CNOT1: variants seen among roughly 807,000 people sequenced by gnomAD.
CNOT1 encodes CCR4-NOT transcription complex subunit 1.
In CNOT1, 15 loss-of-function variants were observed where a neutral mutation model predicts 273.8. That is an observed-to-expected ratio of 0.05 (90% confidence interval 0.04 to 0.08). The LOEUF is 0.08. Among genes scored for constraint, CNOT1 ranks in the 10% least tolerant of loss-of-function variants. The pLI is 1.00. For missense variants in CNOT1, 1,644 were observed against 2,912.2 expected, an observed-to-expected ratio of 0.56 and a Z score of 10.02; for synonymous variants, 1,022 against 1,005.5, an observed-to-expected ratio of 1.02 and a Z score of -0.31.
At chr16:58,539,697 T>C (rs1427225194) in intron 35 of CNOT1, 71 bp downstream of exon 35, 1 of 1,390,910 alleles carries the variant, frequency 7.2e-7, no homozygotes, top group Non-Finnish European at 9.7e-7. Flanking sequence ...CATAAATATG[T>C]AGATGGTGGT....
chr16:58,529,947 CAG>C (rs2039726189), intron 43 of CNOT1, among the ~76,000 whole-genome samples: 1 of 144,776 alleles, frequency 6.9e-6, no homozygotes, highest in South Asian at 2.2e-4. Flanking sequence ...AAATGAAAAA[CAG>C]ATAATACCAG....
At chr16:58,572,264 AC>A (rs1376822534) in intron 16 of CNOT1, among the ~76,000 whole-genome samples, 2 of 152,028 alleles carry the variant, frequency 1.3e-5, no homozygotes, top group Non-Finnish European at 2.9e-5. Flanking sequence ...AGCCTGGGCA[AC>A]AAGAGCAAAA....
chr16:58,530,455 T>C, intron 42 of CNOT1, 108 bp from the exon 43 acceptor site: 1 of 683,172 alleles, frequency 1.5e-6, no homozygotes, highest in Non-Finnish European at 2.4e-6. Flanking sequence ...CTAATATAAG[T>C]AGAGAATACT....
intron 22 of CNOT1, among the ~76,000 whole-genome samples, chr16:58,552,232 T>C (rs1287765541): frequency 1.3e-5 from 2 of 151,614 alleles, no homozygotes; most frequent in African/African-American, 4.8e-5. Context: ...AAAGCTGTTA[T>C]TACGAAAAAA....
Position 58,541,513 on chromosome 16 carries a change from G to A in CNOT1, c.4788C>T (p.Ala1596=), listed in dbSNP as rs781624926. The change falls in exon 34 of 49, where the codon GCC becomes GCT. Residue 1596 remains alanine (A), a synonymous_variant. Coordinates refer to ENST00000317147, the MANE Select transcript of CNOT1 (RefSeq NM_016284.5). ...NDLSQPTGFL[A]QPMKQAWATD... ...AAAACACATTTACCTTCATGGGCTGGGCTAAAAATCCCGTGGGCTGACTTA... is the reference window on the plus strand; with the variant it reads ...AAAACACATTTACCTTCATGGGCTGAGCTAAAAATCCCGTGGGCTGACTTA... 11 of 1,613,634 alleles carry A rather than the reference G, an allele frequency of 6.8e-6. No individual in the cohort carries two copies. Among genetic ancestry groups the A allele is most frequent in the East Asian group, 4.5e-5 (2 of 44,872 alleles).
chr16:58,550,301 G>C (rs1298364693), intron 24 of CNOT1, among the ~76,000 whole-genome samples: 2 of 152,130 alleles, frequency 1.3e-5, no homozygotes, highest in Admixed American at 1.3e-4. Flanking sequence ...TCCAAGTACA[G>C]TTAGTTGACC....
In CNOT1 at chr16:58,625,278, C is replaced by T. The variant is rs148015064; in HGVS notation, c.-175+4450G>A. Among the ~76,000 whole-genome samples the T allele has an allele frequency of 2.0e-3, 303 of 151,942 alleles. 1 individual carries two copies. Among genetic ancestry groups the T allele is most frequent in the African/African-American group, 7.2e-3 (300 of 41,440 alleles). ...CTGTAATCACAGCACTTTGGGAGGC[C>T]GAGGCAGGTGGATCACCTGAGGTCA... On this transcript the variant is annotated intron_variant, in intron 1 of 48. Transcript: ENST00000317147.
At chr16:58,607,786 A>G (rs1016717376) in intron 1 of CNOT1, among the ~76,000 whole-genome samples, 4 of 151,654 alleles carry the variant, frequency 2.6e-5, no homozygotes, top group African/African-American at 7.3e-5. Context: ...AAAAAAGGAG[A>G]AGAGATAGAA....
At chr16:58,587,280 C>T (rs2041906235) in intron 5 of CNOT1, 25 bp from the exon 6 acceptor site, 1 of 1,613,746 alleles carries the variant, frequency 6.2e-7, no homozygotes, top group Non-Finnish European at 8.5e-7. Context: ...ATTAGATTAA[C>T]CAAAGAGTCA....
intron 37 of CNOT1, 37 bp downstream of exon 37, chr16:58,538,121 G>A (rs1364376488): frequency 1.2e-6 from 2 of 1,609,864 alleles, no homozygotes; most frequent in African/African-American, 1.3e-5. Context: ...GTACTTCCCT[G>A]AGTCCTTTTG....
Position 58,574,719 on chromosome 16 carries a change from C to T in CNOT1, c.1869G>A (p.Arg623=), listed in dbSNP as rs199539744. 5.6e-6 allele frequency: 9 copies of T among 1,606,392 alleles called. No homozygotes were observed. The African/African-American group carries it at 1.2e-4, about 22-fold the overall frequency. Residue 623 remains arginine, a synonymous_variant, in exon 16 of 49, where the codon CGG becomes CGA. Transcript: ENST00000317147. The part of the protein sequence containing the change: ...IQACMTFLKR[R]CPSILGGLAP... The stretch of plus-strand genomic sequence containing the variant: ...CAAGTCCGCCCAAAATAGAAGGACA[C>T]CGTCTCTTTAAAAAAGTCATACACG...
At chr16:58,551,871 T>A (rs778268864) in intron 22 of CNOT1, 52 bp from the exon 23 acceptor site, 2 of 1,599,696 alleles carry the variant, frequency 1.3e-6, no homozygotes, top group East Asian at 4.5e-5. Flanking sequence ...TAAGTCTGGA[T>A]TATACGTCCC....
intron 47 of CNOT1, among the ~76,000 whole-genome samples, chr16:58,522,252 AAAAAAAAAAAAAAAAG>A (rs1334941547): frequency 1.1e-5 from 1 of 87,594 alleles, no homozygotes; most frequent in Non-Finnish European, 2.6e-5. Context: ...AAAAAAAAAA[AAAAAAAAAAAAAAAAG>A]CTAACATTGC....
intron 44 of CNOT1, among the ~76,000 whole-genome samples, chr16:58,527,730 T>C (rs910131609): frequency 1.4e-4 from 21 of 152,154 alleles, no homozygotes; most frequent in African/African-American, 3.6e-4. Context: ...TACTTAAAAT[T>C]TGGTGTCCCA....
At chr16:58,600,548 G>A (rs762586484) in intron 1 of CNOT1, among the ~76,000 whole-genome samples, 1 of 152,124 alleles carries the variant, frequency 6.6e-6, no homozygotes, top group African/African-American at 2.4e-5. Flanking sequence ...AAGACACTAT[G>A]TATTCACTTT....
At chr16:58,606,852 C>T (rs1024728864) in intron 1 of CNOT1, among the ~76,000 whole-genome samples, 1 of 151,804 alleles carries the variant, frequency 6.6e-6, no homozygotes, top group Non-Finnish European at 1.5e-5. Context: ...AATATGACAC[C>T]CACCCAATAT....
chr16:58,547,115 C>A lies in CNOT1; in HGVS notation c.3750+71G>T. 1.3e-6 allele frequency: 2 copies of A among 1,555,218 alleles called. No individual in the cohort carries two copies. The highest frequency in any genetic ancestry group is 8.7e-7 in the Non-Finnish European group (1 of 1,149,040). On this transcript the variant is annotated intron_variant, in intron 27 of 48. Coordinates refer to ENST00000317147, the MANE Select transcript of CNOT1 (RefSeq NM_016284.5). The surrounding 1 kb of genome is among the most constrained non-coding windows in gnomAD (Gnocchi z 4.0). ...ACCTCACAAGAACTAAGAATATAATCTCTTGACCTCATGCTAAAACAAAGC... is the reference window on the plus strand; with the variant it reads ...ACCTCACAAGAACTAAGAATATAATATCTTGACCTCATGCTAAAACAAAGC...
chr16:58,596,623 C>T (rs1340219793), intron 2 of CNOT1, among the ~76,000 whole-genome samples: 1 of 152,096 alleles, frequency 6.6e-6, no homozygotes, highest in East Asian at 1.9e-4. Flanking sequence ...CACAGTGGCT[C>T]ATGCCTGTAA....
chr16:58,592,521 C>T (rs1046817445), intron 2 of CNOT1, among the ~76,000 whole-genome samples: 6 of 152,058 alleles, frequency 3.9e-5, no homozygotes, highest in African/African-American at 1.4e-4. Flanking sequence ...GAGGTTGCAG[C>T]GTGCCATGAA....
Sources: allele counts gnomAD v4.1 joint callset (sites outside exome capture counted in the v4.1 genomes callset), GRCh38; gene constraint gnomAD v4.1.1; non-coding constraint Gnocchi (gnomAD v3.1); transcripts MANE v1.5; gene names NCBI Gene and HGNC (gene_info 2026-07-23, HGNC 2026-07-21).